The following NEGR1 variants were observed in gnomAD, a reference collection of about 807,000 sequenced individuals.
NEGR1 encodes IgLON family member 4.
In NEGR1, 10 loss-of-function variants were observed where a neutral mutation model predicts 40.9. The observed-to-expected ratio is 0.24, with a 90% CI of 0.15 to 0.42. The LOEUF is 0.42. NEGR1 is among the 10% of genes least tolerant of loss of function. The pLI is 1.00. For missense variants in NEGR1, 352 were observed against 438.9 expected (o/e 0.80, Z 1.77); for synonymous variants, 185 against 166.8 (o/e 1.11, Z -0.84).
intron 1 of NEGR1, among the ~76,000 whole-genome samples, chr1:72,196,276 C>G (rs906277689): frequency 6.6e-6 from 1 of 151,916 alleles, no homozygotes; most frequent in Non-Finnish European, 1.5e-5. Context: ...CTGTATATTG[C>G]AAAAATTTCA....
intron 3 of NEGR1, among the ~76,000 whole-genome samples, chr1:71,765,167 T>G (rs144576927): frequency 2.0e-5 from 3 of 152,072 alleles, no homozygotes; most frequent in Admixed American, 1.3e-4. Context: ...ACCTGCACAG[T>G]TGGTCAACAG....
At chr1:71,419,565 T>C (rs1010267191) in intron 6 of NEGR1, among the ~76,000 whole-genome samples, 1 of 152,176 alleles carries the variant, frequency 6.6e-6, no homozygotes, top group Non-Finnish European at 1.5e-5. Flanking sequence ...TTTTTCCTCA[T>C]AGATTTTATC....
At chr1:72,208,012 A>G (rs1462491964) in intron 1 of NEGR1, among the ~76,000 whole-genome samples, 2 of 151,756 alleles carry the variant, frequency 1.3e-5, no homozygotes, top group Non-Finnish European at 3.0e-5. Context: ...ACACAATTCC[A>G]TTCCACATGA....
intron 6 of NEGR1, among the ~76,000 whole-genome samples, chr1:71,579,337 A>T (rs927796245): frequency 1.3e-5 from 2 of 152,140 alleles, no homozygotes; most frequent in Non-Finnish European, 2.9e-5. Context: ...CAAAATTGAC[A>T]ATCTCCAAAA....
Position 71,867,622 on chromosome 1 carries a change from C to T in NEGR1, c.409+67457G>A, listed in dbSNP as rs529216012. On this transcript the variant is annotated intron_variant, in intron 2 of 6. Transcript: ENST00000357731. The stretch of plus-strand genomic sequence containing the variant: ...CTAAGACTGTTATGATTAGAATTGC[C>T]GTACTATGAAATAGACTCCTGACCA... Among the ~76,000 whole-genome samples the T allele has an allele frequency of 3.3e-5, 5 of 152,008 alleles. No individual in the cohort carries two copies. In the East Asian group the frequency reaches 5.8e-4, roughly 18 times the overall value.
rs35714893 is a variant in NEGR1, at chr1:71,839,378, A to AT, written c.410-63082dup. ...GCCACCACATCCAGCTAATTGTTGTATTTTTTTTTTTTAGTAGAGATGGGG... is the reference window on the plus strand; with the variant it reads ...GCCACCACATCCAGCTAATTGTTGTATTTTTTTTTTTTTAGTAGAGATGGGG... On this transcript the variant is annotated intron_variant, in intron 2 of 6. Coordinates refer to ENST00000357731, the MANE Select transcript of NEGR1 (RefSeq NM_173808.3). Among the ~76,000 whole-genome samples the AT allele has an allele frequency of 6.1e-3, 862 of 141,842 alleles. 4 individuals carry two copies. The highest frequency in any genetic ancestry group is 0.014 in the African/African-American group (561 of 38,810). The allele number at this position is 141,842 out of a possible 152,430, so 93.1% of individuals were successfully genotyped here.
chr1:72,084,159 A>C (rs1648114443), intron 1 of NEGR1, among the ~76,000 whole-genome samples: 1 of 152,110 alleles, frequency 6.6e-6, no homozygotes, highest in Admixed American at 6.6e-5. Flanking sequence ...TAGCCTTTAC[A>C]GCAATATTTT....
chr1:71,754,903 A>G (rs1028257541), intron 3 of NEGR1, among the ~76,000 whole-genome samples: 24 of 152,060 alleles, frequency 1.6e-4, no homozygotes, highest in African/African-American at 5.8e-4. Flanking sequence ...TTGTCTTTCA[A>G]ATCTTCAGAT....
intron 2 of NEGR1, among the ~76,000 whole-genome samples, chr1:71,873,176 A>T (rs1434994780): frequency 6.7e-6 from 1 of 149,386 alleles, no homozygotes; most frequent in Admixed American, 6.7e-5. Context: ...GTTTGATTCT[A>T]ATAGAAAAGT....
At chr1:71,587,898 G>GTATTA (rs1255912453) in intron 6 of NEGR1, among the ~76,000 whole-genome samples, 51 of 152,086 alleles carry the variant, frequency 3.4e-4, no homozygotes, top group African/African-American at 1.2e-3. Flanking sequence ...TAGGTCTCAG[G>GTATTA]AGAGGGTTGT....
chr1:71,456,834 T>C (rs1009094528), intron 6 of NEGR1, among the ~76,000 whole-genome samples: 1 of 152,228 alleles, frequency 6.6e-6, no homozygotes, highest in African/African-American at 2.4e-5. Flanking sequence ...TTTCTATGCC[T>C]GCTTTTCCAC....
rs866669169 is a variant in NEGR1, at chr1:71,928,352, A to G, written c.409+6727T>C. 3.0e-3 allele frequency among the ~76,000 whole-genome samples: 224 copies of G among 74,310 alleles called. 4 individuals are homozygous for G. Among genetic ancestry groups the G allele is most frequent in the Admixed American group, 5.2e-3 (27 of 5,218 alleles). The allele number at this position is 74,310 out of a possible 152,430, so 48.8% of individuals were successfully genotyped here. On this transcript the variant is annotated intron_variant, in intron 2 of 6. Transcript: ENST00000357731. ...TATATGTATATATACACACATGTGTATATATATATACACATATGTATATAT... is the reference window on the plus strand; with the variant it reads ...TATATGTATATATACACACATGTGTGTATATATATACACATATGTATATAT...
chr1:72,260,368 T>A (rs1210768711), intron 1 of NEGR1, among the ~76,000 whole-genome samples: 2 of 152,142 alleles, frequency 1.3e-5, no homozygotes, highest in Non-Finnish European at 2.9e-5. Flanking sequence ...TTCTCATTCA[T>A]TAAATTATAC....
At chr1:71,899,988 G>C (rs529063198) in intron 2 of NEGR1, among the ~76,000 whole-genome samples, 3 of 152,196 alleles carry the variant, frequency 2.0e-5, no homozygotes, top group Non-Finnish European at 4.4e-5. Context: ...AACATGGCTA[G>C]TGAAGAGAAA....
intron 6 of NEGR1, among the ~76,000 whole-genome samples, chr1:71,484,165 T>C (rs1646872411): frequency 6.6e-6 from 1 of 151,746 alleles, no homozygotes; most frequent in Non-Finnish European, 1.5e-5. Flanking sequence ...GCTTTTCAAA[T>C]AGGCTTTCTC....
intron 2 of NEGR1, among the ~76,000 whole-genome samples, chr1:71,922,166 G>A (rs1309859771): frequency 6.6e-6 from 1 of 152,148 alleles, no homozygotes; most frequent in Non-Finnish European, 1.5e-5. Flanking sequence ...ATAGGAGGAT[G>A]GGCTGTCCAG....
intron 3 of NEGR1, among the ~76,000 whole-genome samples, chr1:71,707,429 GGAA>G (rs1653937813): frequency 6.6e-6 from 1 of 152,196 alleles, no homozygotes; most frequent in Admixed American, 6.5e-5. Context: ...GAAAGGGGAG[GGAA>G]GAGTGGGAAG....
chr1:72,039,969 A>G (rs1423640408), intron 1 of NEGR1, among the ~76,000 whole-genome samples: 1 of 152,040 alleles, frequency 6.6e-6, no homozygotes, highest in Non-Finnish European at 1.5e-5. Flanking sequence ...GAAGTGAAGG[A>G]AAAGTGTAGT....
chr1:72,247,834 G>T (rs1654949962), intron 1 of NEGR1, among the ~76,000 whole-genome samples: 1 of 152,248 alleles, frequency 6.6e-6, no homozygotes, highest in South Asian at 2.1e-4. Flanking sequence ...ACCTGAGACT[G>T]AGTAATTTAT....
Sources: gnomAD v4.1 joint callset for allele counts (sites outside exome capture counted in the v4.1 genomes callset) on GRCh38, gnomAD v4.1.1 for gene constraint, MANE v1.5 for transcripts, NCBI Gene and HGNC (gene_info 2026-07-23, HGNC 2026-07-21) for gene names.